The following CRIM1 variants were observed in gnomAD, a reference collection of about 807,000 sequenced individuals.
CRIM1 encodes cysteine-rich motor neuron 1 protein.
In CRIM1, 32 loss-of-function variants were observed where a neutral mutation model predicts 116.4. The observed-to-expected ratio is 0.27, with a 90% confidence interval of 0.21 to 0.37. The LOEUF (loss-of-function observed/expected upper bound fraction) is 0.37. Ranked by LOEUF, CRIM1 falls within the 10% of genes least tolerant of loss-of-function variation. CRIM1 has a pLI of 1.00. For missense variants in CRIM1, 1,331 were observed against 1,354.8 expected, an observed-to-expected ratio of 0.98 and a Z score of 0.28; for synonymous variants, 590 against 509.2, an observed-to-expected ratio of 1.16 and a Z score of -2.13.
At position 36,522,325 on chromosome 2, in the gene CRIM1, G is replaced by GA. The variant is rs748629942; in HGVS notation, c.2428+21dup. Reference sequence around the variant, plus strand: ...TCCCTACTGCATAGGTAAGACCAAGGAAAAAAAAATCCCTCATCTCTACCA... The same window carrying GA: ...TCCCTACTGCATAGGTAAGACCAAGGAAAAAAAAAATCCCTCATCTCTACCA... On this transcript the variant is annotated intron_variant, in intron 13 of 16. Coordinates refer to ENST00000280527, the MANE Select transcript of CRIM1 (RefSeq NM_016441.3). The GA allele has an allele frequency of 3.0e-4, 463 of 1,569,432 alleles. No individual in the cohort carries two copies. Among genetic ancestry groups the GA allele is most frequent in the Non-Finnish European group, 3.5e-4 (404 of 1,150,128 alleles).
chr2:36,489,790 G>T (rs778045406), intron 7 of CRIM1, among the ~76,000 whole-genome samples: 2 of 152,138 alleles, frequency 1.3e-5, no homozygotes, highest in African/African-American at 4.8e-5. Flanking sequence ...GATCTAGCAA[G>T]GCCCCCATCA....
At chr2:36,396,937 A>C in intron 2 of CRIM1, 150 bp downstream of exon 2, 1 of 667,114 alleles carries the variant, frequency 1.5e-6, no homozygotes, top group East Asian at 2.7e-5. Flanking sequence ...AAAGTTTACC[A>C]GGTGCTTATG....
At chr2:36,532,872 T>C (rs1666211836) in intron 13 of CRIM1, among the ~76,000 whole-genome samples, 1 of 152,224 alleles carries the variant, frequency 6.6e-6, no homozygotes, top group South Asian at 2.1e-4. Context: ...GGGCCTGGTA[T>C]GTAGTGGGCA....
At chr2:36,531,905 A>G in intron 13 of CRIM1, 1 of 471,032 alleles carries the variant, frequency 2.1e-6, no homozygotes, top group East Asian at 6.9e-5. Flanking sequence ...TGAGCATCCC[A>G]TGAGGTAAGC....
chr2:36,526,924 G>A (rs1337538200), intron 13 of CRIM1, among the ~76,000 whole-genome samples: 1 of 152,200 alleles, frequency 6.6e-6, no homozygotes, highest in Non-Finnish European at 1.5e-5. Context: ...AGGTGATCAG[G>A]ACTGACGTTG....
Position 36,549,411 on chromosome 2 carries a change from A to T in CRIM1, c.*710A>T, listed in dbSNP as rs905752504. 1 of 152,400 alleles carries T rather than the reference A, an allele frequency of 6.6e-6. No individual in the cohort carries two copies. The highest frequency in any genetic ancestry group is 1.5e-5 in the Non-Finnish European group (1 of 68,014). The allele number at this position is 152,400 out of a possible 1,614,324, so 9.4% of individuals were successfully genotyped here. A position where few individuals can be genotyped will look rare whatever the true frequency, so the allele number is the denominator to read the frequency against. ...TTTCTTCCAAGCCAATCAATCAGCC[A>T]GTTCCTAGCAGAGTCAGCACATGAA... On this transcript the variant is annotated 3_prime_UTR_variant, in exon 17 of 17. Coordinates refer to ENST00000280527, the MANE Select transcript of CRIM1 (RefSeq NM_016441.3).
At chr2:36,357,467 G>T (rs570998566) in intron 1 of CRIM1, among the ~76,000 whole-genome samples, 2 of 152,198 alleles carry the variant, frequency 1.3e-5, no homozygotes, top group Admixed American at 6.5e-5. Context: ...CGAGATTGAC[G>T]GTGGGAGAAA....
At chr2:36,357,467 G>C (rs570998566) in intron 1 of CRIM1, among the ~76,000 whole-genome samples, 2 of 152,080 alleles carry the variant, frequency 1.3e-5, no homozygotes, top group African/African-American at 4.8e-5. Flanking sequence ...CGAGATTGAC[G>C]GTGGGAGAAA....
Position 36,485,224 on chromosome 2 carries a change from A to G in CRIM1, c.1372+5530A>G, listed in dbSNP as rs142844854. ...GGAATGTGGTTGAACCAAAAAATCCACTATCTTTCTTCCTGCCACCTGGCT... is the reference window on the plus strand; with the variant it reads ...GGAATGTGGTTGAACCAAAAAATCCGCTATCTTTCTTCCTGCCACCTGGCT... On this transcript the variant is annotated intron_variant, in intron 7 of 16. Coordinates refer to ENST00000280527, the MANE Select transcript of CRIM1 (RefSeq NM_016441.3). Among the ~76,000 whole-genome samples, 990 of 152,240 alleles carry G rather than the reference A, an allele frequency of 6.5e-3. 13 individuals are homozygous for G. The highest frequency in any genetic ancestry group is 0.021 in the African/African-American group (884 of 41,564).
chr2:36,429,610 GT>G (rs1182833643), intron 2 of CRIM1, among the ~76,000 whole-genome samples: 1 of 152,186 alleles, frequency 6.6e-6, no homozygotes, highest in Non-Finnish European at 1.5e-5. Flanking sequence ...GAAAGCAGCT[GT>G]TTTTAGGGGG....
At chr2:36,525,589 G>T (rs867624592) in intron 13 of CRIM1, among the ~76,000 whole-genome samples, 2 of 152,134 alleles carry the variant, frequency 1.3e-5, no homozygotes, top group Non-Finnish European at 2.9e-5. Context: ...ACCAGTGCTC[G>T]CATTGTTTCC....
chr2:36,408,495 A>C (rs3770915), intron 2 of CRIM1, among the ~76,000 whole-genome samples: 1 of 152,122 alleles, frequency 6.6e-6, no homozygotes, highest in African/African-American at 2.4e-5. Flanking sequence ...CCAGCCCGGG[A>C]GGCCTTCTGA....
At chr2:36,528,883 A>T in intron 13 of CRIM1, among the ~76,000 whole-genome samples, 1 of 152,352 alleles carries the variant, frequency 6.6e-6, no homozygotes. Context: ...GTCTTACCCT[A>T]TGCCCTAGGA....
At chr2:36,407,457 T>C (rs1672896566) in intron 2 of CRIM1, among the ~76,000 whole-genome samples, 1 of 152,116 alleles carries the variant, frequency 6.6e-6, no homozygotes, top group Admixed American at 6.6e-5. Context: ...TTGGGGAGAA[T>C]TGTCCTTAGA....
At chr2:36,385,273 A>G (rs1671091694) in intron 1 of CRIM1, among the ~76,000 whole-genome samples, 2 of 152,336 alleles carry the variant, frequency 1.3e-5, no homozygotes, top group South Asian at 2.1e-4. Context: ...GGTAAAGTGC[A>G]TAGGAGTGCT....
At chr2:36,439,223 C>T (rs1307504780) in intron 2 of CRIM1, among the ~76,000 whole-genome samples, 1 of 152,194 alleles carries the variant, frequency 6.6e-6, no homozygotes, top group Non-Finnish European at 1.5e-5. Flanking sequence ...TCTCGTTCTC[C>T]AACACACCCG....
intron 1 of CRIM1, among the ~76,000 whole-genome samples, chr2:36,389,132 A>G (rs1163169354): frequency 3.9e-5 from 6 of 152,224 alleles, no homozygotes; most frequent in African/African-American, 1.4e-4. Context: ...TGTAAAATAC[A>G]TTTTTGTAAC....
chr2:36,384,354 A>G (rs1161374947), intron 1 of CRIM1, among the ~76,000 whole-genome samples: 2 of 152,184 alleles, frequency 1.3e-5, no homozygotes, highest in East Asian at 3.9e-4. Flanking sequence ...GAGGGGTCAG[A>G]CTTGACCCTG....
intron 4 of CRIM1, among the ~76,000 whole-genome samples, chr2:36,456,405 A>G (rs953085276): frequency 3.3e-5 from 5 of 152,204 alleles, no homozygotes; most frequent in Non-Finnish European, 5.9e-5. Flanking sequence ...TGAAGTGGGA[A>G]TAACCTATGT....
Sources: allele counts gnomAD v4.1 joint callset (sites outside exome capture counted in the v4.1 genomes callset), GRCh38; gene constraint gnomAD v4.1.1; transcripts MANE v1.5; gene names NCBI Gene and HGNC (gene_info 2026-07-23, HGNC 2026-07-21).